ARMH3: variants seen among roughly 807,000 people sequenced by gnomAD.
ARMH3 encodes armadillo like helical domain containing 3.
Under a neutral mutation model 99.1 loss-of-function variants are expected in ARMH3, and 60 were observed. That is an observed-to-expected ratio of 0.61 (90% CI 0.49 to 0.75). ARMH3 has a LOEUF of 0.75. Ranked by LOEUF, ARMH3 falls within the 30% of genes least tolerant of loss-of-function variation. ARMH3 has a pLI of 0.00. For missense variants in ARMH3, 679 were observed against 843.1 expected (o/e 0.81, Z 2.41); for synonymous variants, 285 against 292.8 (o/e 0.97, Z 0.27).
At chr10:101,963,195 T>G (rs1590093374) in intron 20 of ARMH3, among the ~76,000 whole-genome samples, 2 of 150,334 alleles carry the variant, frequency 1.3e-5, no homozygotes, top group South Asian at 4.2e-4. Context: ...GAGGCTGGAG[T>G]GCAGTGGCAC....
chr10:101,894,932 T>C (rs1213138473), intron 23 of ARMH3, among the ~76,000 whole-genome samples: 1 of 149,996 alleles, frequency 6.7e-6, no homozygotes, highest in Non-Finnish European at 1.5e-5. Context: ...GACGACACAG[T>C]GAGAAGGCTG....
intron 8 of ARMH3, among the ~76,000 whole-genome samples, chr10:102,018,260 A>G (rs535178323): frequency 6.6e-6 from 1 of 152,306 alleles, no homozygotes; most frequent in African/African-American, 2.4e-5. Context: ...TGCCAACCCA[A>G]GTATAAATCT....
At chr10:101,992,289 G>A (rs766064130) in intron 17 of ARMH3, among the ~76,000 whole-genome samples, 1 of 152,072 alleles carries the variant, frequency 6.6e-6, no homozygotes, top group Non-Finnish European at 1.5e-5. Context: ...GGGCACTAGA[G>A]AATACTACAA....
intron 24 of ARMH3, among the ~76,000 whole-genome samples, chr10:101,852,342 A>G (rs1294590068): frequency 2.0e-5 from 3 of 152,220 alleles, no homozygotes; most frequent in Admixed American, 2.0e-4. Flanking sequence ...CTAAGGTCTC[A>G]CTTAGAAGAG....
intron 24 of ARMH3, among the ~76,000 whole-genome samples, chr10:101,871,361 A>C (rs976478926): frequency 6.6e-6 from 1 of 152,244 alleles, no homozygotes; most frequent in Admixed American, 6.5e-5. Context: ...AAGGACCTAG[A>C]ATATTCAAAA....
chr10:102,008,946 T>C (rs1352672377), intron 13 of ARMH3, among the ~76,000 whole-genome samples: 3 of 152,164 alleles, frequency 2.0e-5, no homozygotes, highest in African/African-American at 7.2e-5. Context: ...CTGGCCAGGA[T>C]ATTTTTTACT....
At chr10:101,885,127 G>A (rs748486230) in intron 24 of ARMH3, among the ~76,000 whole-genome samples, 1 of 152,038 alleles carries the variant, frequency 6.6e-6, no homozygotes, top group Non-Finnish European at 1.5e-5. Context: ...TACCCATTAG[G>A]ATGGCTATTA....
At chr10:101,970,099 A>C (rs1845703502) in intron 20 of ARMH3, among the ~76,000 whole-genome samples, 1 of 152,202 alleles carries the variant, frequency 6.6e-6, no homozygotes, top group Non-Finnish European at 1.5e-5. Flanking sequence ...TGGAAGTAAA[A>C]TAAGCTGACT....
chr10:101,998,758 T>C (rs1287564542), intron 15 of ARMH3, among the ~76,000 whole-genome samples: 1 of 152,212 alleles, frequency 6.6e-6, no homozygotes, highest in East Asian at 1.9e-4. Context: ...CTGAAAACTC[T>C]CCAACCAGAA....
intron 8 of ARMH3, among the ~76,000 whole-genome samples, chr10:102,020,901 C>T (rs1264963542): frequency 6.6e-6 from 1 of 151,364 alleles, no homozygotes; most frequent in Non-Finnish European, 1.5e-5. Context: ...CCTAGGCCTT[C>T]ACATTCACTC....
chr10:101,847,403 C>T lies in ARMH3; in HGVS notation c.*125G>A, dbSNP rs1589892407. 1.0e-6 allele frequency: 1 copy of T among 952,676 alleles called. No individual in the cohort carries two copies. Among genetic ancestry groups the T allele is most frequent in the East Asian group, 2.4e-5 (1 of 40,988 alleles). 59.0% of individuals were successfully genotyped at this position (952,676 alleles called of 1,614,324 possible). A position where few individuals can be genotyped will look rare whatever the true frequency, so the allele number is the denominator to read the frequency against. Reference sequence around the variant, plus strand: ...AAGCTCCATTGAAGTGCGGTCTTCACCAAGAGAACTTGGTATCTGTGTTTC... The same window carrying T: ...AAGCTCCATTGAAGTGCGGTCTTCATCAAGAGAACTTGGTATCTGTGTTTC... On this transcript the variant is annotated 3_prime_UTR_variant, in exon 26 of 26. Transcript: ENST00000370033.
intron 23 of ARMH3, among the ~76,000 whole-genome samples, chr10:101,890,436 A>T (rs1028490629): frequency 1.3e-5 from 2 of 151,976 alleles, no homozygotes; most frequent in Admixed American, 1.3e-4. Context: ...GTTGGTAGAA[A>T]CACGGTTTTG....
intron 23 of ARMH3, among the ~76,000 whole-genome samples, chr10:101,899,370 T>C (rs1398941332): frequency 6.6e-6 from 1 of 152,230 alleles, no homozygotes; most frequent in Non-Finnish European, 1.5e-5. Flanking sequence ...GGTAAAATAC[T>C]GGCTTTTGAG....
At chr10:101,873,551 TCA>T (rs1032913550) in intron 24 of ARMH3, among the ~76,000 whole-genome samples, 10 of 152,198 alleles carry the variant, frequency 6.6e-5, no homozygotes, top group African/African-American at 1.7e-4. Context: ...TTTAGTATAT[TCA>T]CACAGTTACG....
intron 22 of ARMH3, among the ~76,000 whole-genome samples, chr10:101,954,803 T>C (rs1255404520): frequency 6.6e-6 from 1 of 152,212 alleles, no homozygotes; most frequent in East Asian, 1.9e-4. Context: ...TTCACTTTCC[T>C]ATTTGTGCCC....
chr10:102,050,622 C>T (rs965255437), intron 1 of ARMH3, among the ~76,000 whole-genome samples: 8 of 152,148 alleles, frequency 5.3e-5, no homozygotes, highest in Non-Finnish European at 8.8e-5. Context: ...CTCTTGGAGG[C>T]CGAGGCAGGT....
chr10:101,945,860 A>T (rs1844495306), intron 22 of ARMH3, among the ~76,000 whole-genome samples: 1 of 151,988 alleles, frequency 6.6e-6, no homozygotes, highest in Admixed American at 6.6e-5. Context: ...AGGTGGGCAG[A>T]TCACCTGAGG....
At chr10:102,037,432 C>T (rs2067303586) in intron 2 of ARMH3, among the ~76,000 whole-genome samples, 1 of 152,204 alleles carries the variant, frequency 6.6e-6, no homozygotes, top group Admixed American at 6.5e-5. Context: ...GATCTGCCCC[C>T]CTTGGCCTCA....
At chr10:102,033,247 T>C in intron 3 of ARMH3, 36 bp downstream of exon 3, 1 of 1,613,624 alleles carries the variant, frequency 6.2e-7, no homozygotes. Context: ...GCAATTTTAG[T>C]TACCAGGAAA....
Sources: allele counts gnomAD v4.1 joint callset (sites outside exome capture counted in the v4.1 genomes callset), GRCh38; gene constraint gnomAD v4.1.1; transcripts MANE v1.5; gene names NCBI Gene and HGNC (gene_info 2026-07-23, HGNC 2026-07-21).